PDZD4: variants seen among roughly 807,000 people sequenced by gnomAD.
PDZD4 encodes PDZ domain-containing protein 4.
In PDZD4, 9 loss-of-function variants were observed where a neutral mutation model predicts 38.5. The observed-to-expected ratio is 0.23, with a 90% CI of 0.14 to 0.41. The LOEUF is 0.41. Among genes scored for constraint, PDZD4 ranks in the 10% least tolerant of loss-of-function variants. The probability of loss-of-function intolerance (pLI) is 1.00; values close to 1 mark genes in which losing one functional copy is unlikely to be tolerated. For synonymous variants in PDZD4, 349 were observed against 315.7 expected, an observed-to-expected ratio of 1.11 and a Z score of -1.12; for missense variants, 612 against 722.0, an observed-to-expected ratio of 0.85 and a Z score of 1.75.
chrX:153,805,663 C>T, intron 5 of PDZD4, 57 bp from the exon 6 acceptor site: 1 of 1,028,652 alleles, frequency 9.7e-7, no homozygotes, highest in Admixed American at 2.2e-5. Flanking sequence ...GGGGCGGACC[C>T]TGGGCGGGTG....
intron 1 of PDZD4, among the ~76,000 whole-genome samples, chrX:153,821,764 G>A (rs1184641166): frequency 1.8e-5 from 2 of 111,669 alleles, no homozygotes; most frequent in Non-Finnish European, 1.9e-5. Flanking sequence ...CTGCATGAGG[G>A]CATCTTTCTT....
At chrX:153,809,581 C>T (rs1388614079) in intron 1 of PDZD4, among the ~76,000 whole-genome samples, 5 of 112,359 alleles carry the variant, frequency 4.5e-5, no homozygotes, top group Admixed American at 2.8e-4. Flanking sequence ...AGCGAGACTC[C>T]GTCTCAAAGA....
Position 153,804,564 on chromosome X carries a change from G to A in PDZD4, c.1117C>T (p.Leu373=), listed in dbSNP as rs1557076172. ...YRELLEIKCH[L]ENGNQLGLLF... ...AGGCCCAGCTGGTTGCCGTTCTCCA[G>A]GTGGCACTTGATCTCCAGGAGCTCA... The change falls in exon 8 of 8, where the codon CTG becomes TTG. Residue 373 remains leucine (L), a synonymous_variant. Coordinates refer to ENST00000393758, the MANE Select transcript of PDZD4 (RefSeq NM_001303512.2). The A allele has an allele frequency of 4.1e-6, 5 of 1,208,443 alleles. No individual in the cohort carries two copies. The highest frequency in any genetic ancestry group is 5.6e-6 in the Non-Finnish European group (5 of 895,210).
rs1423390973 is a variant in PDZD4, at chrX:153,802,576, GCT to G, written c.*775_*776del. The G allele has an allele frequency of 9.0e-6, 1 of 111,681 alleles. No individual in the cohort carries two copies. The highest frequency in any genetic ancestry group is 3.3e-5 in the African/African-American group (1 of 30,732). 9.2% of individuals were successfully genotyped at this position (111,681 alleles called of 1,213,427 possible). On this transcript the variant is annotated 3_prime_UTR_variant, in exon 8 of 8. Coordinates refer to ENST00000393758, the MANE Select transcript of PDZD4 (RefSeq NM_001303512.2). ...AGGACCCCTCCGTTCCTGCAGTCTTGCTCTCTCTGAGTCACTGGGGAAACAGG... is the reference window on the plus strand; with the variant it reads ...AGGACCCCTCCGTTCCTGCAGTCTTGCTCTCTGAGTCACTGGGGAAACAGG...
At chrX:153,818,796 G>A (rs1344517284) in intron 1 of PDZD4, among the ~76,000 whole-genome samples, 2 of 111,202 alleles carry the variant, frequency 1.8e-5, no homozygotes, top group Non-Finnish European at 3.8e-5. Flanking sequence ...CAGAGGGGCG[G>A]CTGAATACCG....
intron 5 of PDZD4, among the ~76,000 whole-genome samples, chrX:153,805,829 G>A (rs1461518094): frequency 5.3e-5 from 6 of 112,244 alleles, no homozygotes; most frequent in Admixed American, 2.8e-4. Context: ...GAGGGAGAGG[G>A]GCCAGGAGGT....
At chrX:153,826,761 T>C (rs1398654497) in intron 1 of PDZD4, among the ~76,000 whole-genome samples, 1 of 111,735 alleles carries the variant, frequency 8.9e-6, no homozygotes, top group Non-Finnish European at 1.9e-5. Context: ...AAAGTAAAAT[T>C]AAGAAAACGA....
chrX:153,821,708 CAG>C (rs1236799611), intron 1 of PDZD4, among the ~76,000 whole-genome samples: 5 of 111,340 alleles, frequency 4.5e-5, no homozygotes, highest in African/African-American at 1.6e-4. Context: ...TGTACTGACT[CAG>C]AGCGCGCCCT....
At chrX:153,825,621 C>G (rs551114296) in intron 1 of PDZD4, among the ~76,000 whole-genome samples, 3 of 112,329 alleles carry the variant, frequency 2.7e-5, no homozygotes, top group African/African-American at 9.7e-5. Context: ...ACATGACACA[C>G]GAAAGTGCCT....
intron 1 of PDZD4, among the ~76,000 whole-genome samples, chrX:153,821,503 A>T (rs1223757212): frequency 1.8e-5 from 2 of 110,132 alleles, no homozygotes; most frequent in African/African-American, 6.6e-5. Flanking sequence ...ACAACACCTC[A>T]CTTCACCACC....
intron 1 of PDZD4, among the ~76,000 whole-genome samples, chrX:153,813,188 G>A (rs1425017261): frequency 4.5e-5 from 5 of 112,089 alleles, no homozygotes; most frequent in Non-Finnish European, 9.4e-5. Flanking sequence ...ACTTCTAGAC[G>A]ACAAAAGACA....
chrX:153,817,699 CAT>C (rs2064377437), intron 1 of PDZD4, among the ~76,000 whole-genome samples: 2 of 112,191 alleles, frequency 1.8e-5, no homozygotes, highest in African/African-American at 3.2e-5. Flanking sequence ...CACAAGAAAA[CAT>C]AAAATTGCCA....
chrX:153,805,223 C>T lies in PDZD4; in HGVS notation c.670-16G>A. On this transcript the variant is annotated splice_polypyrimidine_tract_variant and intron_variant, in intron 6 of 7. Transcript: ENST00000393758. ...TTTTCGCCAGCTGTGGAGACAGGCC[C>T]TGGTGTCCCCACAGCTTCAAGGACC... 8.6e-7 allele frequency: 1 copy of T among 1,163,401 alleles called. No homozygotes were observed. The highest frequency in any genetic ancestry group is 1.2e-6 in the Non-Finnish European group (1 of 851,622).
chrX:153,826,883 G>C (rs891734506), intron 1 of PDZD4, among the ~76,000 whole-genome samples: 1 of 112,080 alleles, frequency 8.9e-6, no homozygotes, highest in Non-Finnish European at 1.9e-5. Context: ...CGCACCCCAT[G>C]CTCATGAACA....
chrX:153,824,228 A>G (rs2064456789), intron 1 of PDZD4, among the ~76,000 whole-genome samples: 1 of 111,161 alleles, frequency 9.0e-6, no homozygotes, highest in African/African-American at 3.3e-5. Flanking sequence ...GAACCCCGAG[A>G]TGAGAGGGGA....
intron 1 of PDZD4, among the ~76,000 whole-genome samples, chrX:153,819,550 C>T (rs1255320593): frequency 8.9e-6 from 1 of 112,116 alleles, no homozygotes; most frequent in Non-Finnish European, 1.9e-5. Context: ...TACCCCACTG[C>T]TGTAGAGTAG....
chrX:153,805,757 G>C, intron 5 of PDZD4, 151 bp from the exon 6 acceptor site: 1 of 495,226 alleles, frequency 2.0e-6, no homozygotes, highest in Non-Finnish European at 3.5e-6. Flanking sequence ...AAGGTACCAG[G>C]GAGAGGGCGG....
At chrX:153,806,025 G>C in intron 5 of PDZD4, 46 bp downstream of exon 5, 1 of 1,192,997 alleles carries the variant, frequency 8.4e-7, no homozygotes, top group Non-Finnish European at 1.1e-6. Context: ...TGGGCCGACG[G>C]GCACAGCGGG....
At chrX:153,811,680 G>A (rs145976219) in intron 1 of PDZD4, among the ~76,000 whole-genome samples, 8 of 112,669 alleles carry the variant, frequency 7.1e-5, no homozygotes, top group African/African-American at 2.3e-4. Context: ...AATTTCTTGA[G>A]GTGGAATTTC....
Sources: gnomAD v4.1 joint callset for allele counts (sites outside exome capture counted in the v4.1 genomes callset) on GRCh38, gnomAD v4.1.1 for gene constraint, MANE v1.5 for transcripts, NCBI Gene and HGNC (gene_info 2026-07-23, HGNC 2026-07-21) for gene names.